DNAH14: variants seen among roughly 807,000 people sequenced by gnomAD.
The protein encoded by DNAH14 is axonemal beta dynein heavy chain 14.
In DNAH14, 478 loss-of-function variants were observed where a neutral mutation model predicts 520.9. The observed-to-expected ratio is 0.92, with a 90% confidence interval of 0.85 to 0.99. DNAH14 has a LOEUF of 0.99. Among genes scored for constraint, DNAH14 ranks in the 50% least tolerant of loss-of-function variants. The pLI is 0.00. For missense variants in DNAH14, 4,831 were observed against 5,234.5 expected, an observed-to-expected ratio of 0.92 and a Z score of 2.38; for synonymous variants, 1,581 against 1,757.2, an observed-to-expected ratio of 0.90 and a Z score of 2.51.
At chr1:224,992,192 C>G (rs1192306142) in intron 8 of DNAH14, among the ~76,000 whole-genome samples, 1 of 151,842 alleles carries the variant, frequency 6.6e-6, no homozygotes, top group Non-Finnish European at 1.5e-5. Flanking sequence ...CTGCTTTGTT[C>G]TTTTTGCCCA....
At chr1:225,307,052 G>A (rs1435900275) in intron 58 of DNAH14, among the ~76,000 whole-genome samples, 2 of 152,080 alleles carry the variant, frequency 1.3e-5, no homozygotes, top group Non-Finnish European at 2.9e-5. Context: ...GTACCCTTAT[G>A]GGGAATTAGT....
In DNAH14 at chr1:225,051,379, A is replaced by G. The variant is rs1165501241; in HGVS notation, c.2080-72A>G. On this transcript the variant is annotated intron_variant, in intron 16 of 85. Transcript: ENST00000682510. ...CTATTATTTTATTTTGTCAGAAACT[A>G]TTAGCATGCCAAACCATTTTTCACT... 7.2e-6 allele frequency: 8 copies of G among 1,105,020 alleles called. No individual in the cohort carries two copies. The East Asian group carries it at 1.1e-4, about 15-fold the overall frequency. The allele number at this position is 1,105,020 out of a possible 1,614,324, so 68.5% of individuals were successfully genotyped here.
intron 54 of DNAH14, among the ~76,000 whole-genome samples, chr1:225,287,631 G>T (rs2093777117): frequency 6.6e-6 from 1 of 152,118 alleles, no homozygotes; most frequent in Admixed American, 6.6e-5. Flanking sequence ...GTGTCAGCTG[G>T]GAGGGCTTAC....
rs1300321158 is a variant in DNAH14, at chr1:225,266,638, A to T, written c.7411-3A>T. The T allele has an allele frequency of 1.3e-6, 2 of 1,482,716 alleles. No homozygotes were observed. Among genetic ancestry groups the T allele is most frequent in the Middle Eastern group, 1.7e-4 (1 of 5,750 alleles). 91.8% of individuals were successfully genotyped at this position (1,482,716 alleles called of 1,614,324 possible). Reference sequence around the variant, plus strand: ...ATGTTTAAAACCTTTTGTCTTTCTTAAGATTCTAATATTTATTGATGATAT... The same window carrying T: ...ATGTTTAAAACCTTTTGTCTTTCTTTAGATTCTAATATTTATTGATGATAT... On this transcript the variant is annotated splice_region_variant and splice_polypyrimidine_tract_variant and intron_variant, in intron 48 of 85. Coordinates refer to ENST00000682510, the MANE Select transcript of DNAH14 (RefSeq NM_001367479.1).
intron 8 of DNAH14, among the ~76,000 whole-genome samples, chr1:224,994,975 G>A (rs1309547536): frequency 6.6e-6 from 1 of 151,960 alleles, no homozygotes; most frequent in African/African-American, 2.4e-5. Context: ...TTATGTTTTC[G>A]ATGCCAGAAT....
Position 225,289,966 on chromosome 1 carries a change from A to G in DNAH14, c.8353A>G (p.Ile2785Val), listed in dbSNP as rs765504468. 8 of 1,542,556 alleles carry G rather than the reference A, an allele frequency of 5.2e-6. No individual in the cohort carries two copies. The highest frequency in any genetic ancestry group is 3.5e-6 in the Non-Finnish European group (4 of 1,142,350). ...AGATAATAAACTATACCGAGTGCCT[A>G]TATCTCACAAATGTGCCTACATCGA... ...LTDNKLYRVP[I>V]SHKCAYIEFK... Residue 2785 changes from isoleucine (I) to valine (V), a missense_variant, in exon 55 of 86, where the codon ATA becomes GTA. Coordinates refer to ENST00000682510, the MANE Select transcript of DNAH14 (RefSeq NM_001367479.1).
At chr1:225,230,954 A>C (rs2091048445) in intron 41 of DNAH14, 119 bp from the exon 42 acceptor site, 2 of 640,128 alleles carry the variant, frequency 3.1e-6, no homozygotes, top group Non-Finnish European at 5.2e-6. Flanking sequence ...TGTATGTTAA[A>C]TAAAGATATT....
At chr1:224,957,916 T>C (rs889526808) in intron 3 of DNAH14, among the ~76,000 whole-genome samples, 3 of 152,080 alleles carry the variant, frequency 2.0e-5, no homozygotes, top group Non-Finnish European at 4.4e-5. Context: ...TGTGGTTTTA[T>C]TTGAGGCAGG....
chr1:225,040,158 C>T (rs983136491), intron 12 of DNAH14, among the ~76,000 whole-genome samples: 1 of 151,922 alleles, frequency 6.6e-6, no homozygotes, highest in African/African-American at 2.4e-5. Flanking sequence ...CCAGGATGGT[C>T]TTGATCTCCT....
At chr1:224,995,949 A>G (rs1283089417) in intron 8 of DNAH14, among the ~76,000 whole-genome samples, 2 of 151,946 alleles carry the variant, frequency 1.3e-5, no homozygotes, top group Non-Finnish European at 1.5e-5. Flanking sequence ...TTCTAAGTTA[A>G]TTTTTTATAC....
chr1:225,154,891 C>T (rs2080875306), intron 34 of DNAH14, among the ~76,000 whole-genome samples: 1 of 151,876 alleles, frequency 6.6e-6, no homozygotes. Flanking sequence ...AATTGTAACT[C>T]ATATTACACA....
chr1:225,143,196 G>A (rs2079608122), intron 28 of DNAH14, among the ~76,000 whole-genome samples: 1 of 151,988 alleles, frequency 6.6e-6, no homozygotes, highest in Non-Finnish European at 1.5e-5. Flanking sequence ...AATGGAAAGG[G>A]AAAGGCTCTG....
intron 73 of DNAH14, among the ~76,000 whole-genome samples, chr1:225,355,570 T>C (rs2095420293): frequency 6.6e-6 from 1 of 152,108 alleles, no homozygotes; most frequent in Non-Finnish European, 1.5e-5. Context: ...GGAGATTAGG[T>C]TTCACCATAT....
At chr1:225,319,894 T>C (rs2094529931) in intron 61 of DNAH14, among the ~76,000 whole-genome samples, 1 of 152,160 alleles carries the variant, frequency 6.6e-6, no homozygotes, top group African/African-American at 2.4e-5. Flanking sequence ...AGAAATGTGC[T>C]TCTTGGGTTT....
At chr1:225,080,855 A>G (rs2073036571) in intron 19 of DNAH14, 107 bp downstream of exon 19, 1 of 1,201,188 alleles carries the variant, frequency 8.3e-7, no homozygotes, top group Non-Finnish European at 1.1e-6. Context: ...TCTCAGGTTG[A>G]CCATTATGGC....
chr1:225,374,257 TATATATATATATA>T (rs2095664539), intron 77 of DNAH14, among the ~76,000 whole-genome samples: 1 of 102,748 alleles, frequency 9.7e-6, no homozygotes, highest in Admixed American at 1.2e-4. Context: ...TCTATATATA[TATATATATATATA>T]TTTTTTTTTG....
intron 22 of DNAH14, 119 bp downstream of exon 22, chr1:225,097,358 A>T: frequency 1.1e-6 from 1 of 933,600 alleles, no homozygotes; most frequent in Non-Finnish European, 1.5e-6. Context: ...ACCTACAGAC[A>T]TAGGGGTATA....
Position 225,305,482 on chromosome 1 carries a change from C to G in DNAH14, c.9005+393C>G, listed in dbSNP as rs1199035058. Among the ~76,000 whole-genome samples, 5 of 152,146 alleles carry G rather than the reference C, an allele frequency of 3.3e-5. 1 individual carries two copies. The highest frequency in any genetic ancestry group is 7.2e-5 in the African/African-American group (3 of 41,432). On this transcript the variant is annotated intron_variant, in intron 58 of 85. Transcript: ENST00000682510. ...AACACCTACTAAGCAGTTTTATAGC[C>G]AGCAGTGGTACCTGAGGAGGCACGG...
intron 17 of DNAH14, among the ~76,000 whole-genome samples, chr1:225,072,606 A>G (rs12036461): frequency 0.25 from 37,446 of 152,174 alleles, 5,536 homozygotes; most frequent in Non-Finnish European, 0.33. Flanking sequence ...GAAAGAGCGC[A>G]TTCTGGCTTT....
Sources: gnomAD v4.1 joint callset for allele counts (sites outside exome capture counted in the v4.1 genomes callset) on GRCh38, gnomAD v4.1.1 for gene constraint, MANE v1.5 for transcripts, NCBI Gene and HGNC (gene_info 2026-07-23, HGNC 2026-07-21) for gene names.